DTNB: variants seen among roughly 807,000 people sequenced by gnomAD.
The protein encoded by DTNB is DTN-B.
DTNB carries 63 observed loss-of-function variants against 90.7 expected under a neutral mutation model. The ratio of observed to expected loss-of-function variants is 0.69; its 90% CI spans 0.57 to 0.86. The LOEUF (loss-of-function observed/expected upper bound fraction) is 0.86, where lower values mean the gene tolerates loss of function less well. Among genes scored for constraint, DTNB ranks in the 40% least tolerant of loss-of-function variants. DTNB has a pLI of 0.00. For missense variants in DTNB, 744 were observed against 807.1 expected (o/e 0.92, Z 0.95); for synonymous variants, 277 against 286.7 (o/e 0.97, Z 0.34).
chr2:25,462,368 C>T (rs2061094702), intron 10 of DTNB, among the ~76,000 whole-genome samples: 1 of 151,824 alleles, frequency 6.6e-6, no homozygotes. Flanking sequence ...GGACAAGCCC[C>T]TGACCTTGTC....
rs943975566 is a variant in DTNB, at chr2:25,424,097, G to A, written c.1554+3438C>T. ...GGTATGCATATAATACAAAAATTAA[G>A]ATTACGTGGTAATTCTTTTAGGAAG... On this transcript the variant is annotated intron_variant, in intron 15 of 20. Coordinates refer to ENST00000406818, the MANE Select transcript of DTNB (RefSeq NM_021907.5). This position sits in a 1 kb window ranked among gnomAD's most constrained non-coding sequence, Gnocchi z 4.1. 1.3e-5 allele frequency among the ~76,000 whole-genome samples: 2 copies of A among 152,190 alleles called. No individual in the cohort carries two copies. The highest frequency in any genetic ancestry group is 2.4e-5 in the African/African-American group (1 of 41,442).
chr2:25,440,439 T>C (rs2057103987), intron 12 of DTNB, among the ~76,000 whole-genome samples: 1 of 152,208 alleles, frequency 6.6e-6, no homozygotes. Context: ...AGAGAAATTT[T>C]GTACTCTTGC....
chr2:25,512,991 T>C (rs974220661), intron 9 of DTNB, among the ~76,000 whole-genome samples: 1 of 152,174 alleles, frequency 6.6e-6, no homozygotes, highest in African/African-American at 2.4e-5. Context: ...GATTTTTAAA[T>C]AGGGAAGTAA....
In DTNB at chr2:25,505,424, C is replaced by T. The variant is rs117628953; in HGVS notation, c.1002-22551G>A. ...CATCAAACTCCTTCTAACTTGATGACGTGTTAGAAGGAGTCTAGGGTATTT... is the reference window on the plus strand; with the variant it reads ...CATCAAACTCCTTCTAACTTGATGATGTGTTAGAAGGAGTCTAGGGTATTT... On this transcript the variant is annotated intron_variant, in intron 9 of 20. Transcript: ENST00000406818. Among the ~76,000 whole-genome samples the T allele has an allele frequency of 3.8e-3, 574 of 152,200 alleles. 15 individuals carry two copies. The East Asian group carries it at 0.077, about 20-fold the overall frequency.
chr2:25,562,157 T>C (rs1038846728), intron 8 of DTNB, among the ~76,000 whole-genome samples: 5 of 152,256 alleles, frequency 3.3e-5, no homozygotes, highest in Non-Finnish European at 7.3e-5. Flanking sequence ...TTGCCCATTC[T>C]GTACATATCA....
At chr2:25,599,992 G>C (rs2065512399) in intron 5 of DTNB, among the ~76,000 whole-genome samples, 1 of 152,148 alleles carries the variant, frequency 6.6e-6, no homozygotes, top group African/African-American at 2.4e-5. Flanking sequence ...CAGCTACTCA[G>C]GAGACTGAAG....
At chr2:25,553,349 G>C (rs888315913) in intron 8 of DTNB, among the ~76,000 whole-genome samples, 1 of 152,144 alleles carries the variant, frequency 6.6e-6, no homozygotes, top group Non-Finnish European at 1.5e-5. Context: ...TAACTGGTAA[G>C]CTATAATTTT....
At chr2:25,613,450 A>G (rs1165566280) in intron 4 of DTNB, among the ~76,000 whole-genome samples, 4 of 152,078 alleles carry the variant, frequency 2.6e-5, no homozygotes, top group Admixed American at 2.0e-4. Context: ...GTTTATGTCC[A>G]TGAGTACCCT....
In DTNB at chr2:25,491,666, ATTCTTTTCTAC is replaced by A. The variant is rs756782788; in HGVS notation, c.1002-8804_1002-8794del. On this transcript the variant is annotated intron_variant, in intron 9 of 20. Coordinates refer to ENST00000406818, the MANE Select transcript of DTNB (RefSeq NM_021907.5). ...TCCCCTTCACTGGGAACAGTGGTATATTCTTTTCTACTTAACTCTATTAATGTCTACTGCTT... is the reference window on the plus strand; with the variant it reads ...TCCCCTTCACTGGGAACAGTGGTATATTAACTCTATTAATGTCTACTGCTT... 1.1e-3 allele frequency among the ~76,000 whole-genome samples: 170 copies of A among 152,144 alleles called. No individual in the cohort carries two copies. In the Middle Eastern group the frequency reaches 0.014, roughly 12 times the overall value.
chr2:25,402,610 C>T (rs1313079065), intron 16 of DTNB, among the ~76,000 whole-genome samples: 1 of 152,158 alleles, frequency 6.6e-6, no homozygotes, highest in Non-Finnish European at 1.5e-5. Flanking sequence ...AAGGATGAGG[C>T]CACCAGAAAG....
chr2:25,602,062 C>T (rs552086368), intron 5 of DTNB, among the ~76,000 whole-genome samples: 15 of 151,912 alleles, frequency 9.9e-5, no homozygotes, highest in South Asian at 4.2e-4. Context: ...GTGGAAGCTG[C>T]GGTGAGCCGA....
intron 8 of DTNB, among the ~76,000 whole-genome samples, chr2:25,553,691 G>A (rs1003297487): frequency 4.2e-5 from 6 of 141,814 alleles, no homozygotes; most frequent in African/African-American, 1.6e-4. Flanking sequence ...AGTGAGCTGA[G>A]ATGGCGCCAC....
intron 1 of DTNB, among the ~76,000 whole-genome samples, chr2:25,662,344 G>T (rs6720442): frequency 6.6e-6 from 1 of 151,994 alleles, no homozygotes; most frequent in Non-Finnish European, 1.5e-5. Context: ...ATAGTCAATC[G>T]CACAACAGAA....
intron 9 of DTNB, among the ~76,000 whole-genome samples, chr2:25,526,447 G>A (rs1308484294): frequency 6.9e-6 from 1 of 144,274 alleles, no homozygotes; most frequent in South Asian, 2.2e-4. Flanking sequence ...CCAGGGTGGA[G>A]TGCAATGGCG....
At chr2:25,550,113 C>A (rs914326581) in intron 8 of DTNB, among the ~76,000 whole-genome samples, 2 of 151,500 alleles carry the variant, frequency 1.3e-5, no homozygotes, top group East Asian at 4.0e-4. Flanking sequence ...TATTGTTGGC[C>A]GGGCGCGGTG....
Position 25,424,771 on chromosome 2 carries a change from G to A in DTNB, c.1554+2764C>T, listed in dbSNP as rs1027196001. On this transcript the variant is annotated intron_variant, in intron 15 of 20. Coordinates refer to ENST00000406818, the MANE Select transcript of DTNB (RefSeq NM_021907.5). The surrounding 1 kb of genome is among the most constrained non-coding windows in gnomAD (Gnocchi z 4.1). ...CAGCCTCCACCTCCTGGGCTTAAGC[G>A]ATCCTCCCACCTCAGCCTCCTGAGT... 1.3e-5 allele frequency among the ~76,000 whole-genome samples: 2 copies of A among 151,628 alleles called. No homozygotes were observed. Among genetic ancestry groups the A allele is most frequent in the East Asian group, 1.9e-4 (1 of 5,172 alleles).
chr2:25,488,765 C>G (rs1487953361), intron 9 of DTNB, among the ~76,000 whole-genome samples: 6 of 152,206 alleles, frequency 3.9e-5, no homozygotes, highest in Admixed American at 3.3e-4. Flanking sequence ...CGATTCCCCC[C>G]TCACCCTCCC....
At chr2:25,576,430 G>A (rs1274819874) in intron 8 of DTNB, 1 of 152,434 alleles carries the variant, frequency 6.6e-6, no homozygotes, top group African/African-American at 2.4e-5. Flanking sequence ...GGGTTTCACT[G>A]TGTCAGCCAG....
chr2:25,476,554 A>G lies in DTNB; in HGVS notation c.1079+6242T>C, dbSNP rs2150344219. On this transcript the variant is annotated intron_variant, in intron 10 of 20. Coordinates refer to ENST00000406818, the MANE Select transcript of DTNB (RefSeq NM_021907.5). Reference sequence around the variant, plus strand: ...TGGGAGGAGGTTAAAACAAACATTAATGGGAGTTTGGAAGAAATTGATTCC... The same window carrying G: ...TGGGAGGAGGTTAAAACAAACATTAGTGGGAGTTTGGAAGAAATTGATTCC... Among the ~76,000 whole-genome samples the G allele has an allele frequency of 1.3e-5, 2 of 152,346 alleles. 1 individual carries two copies. The highest frequency in any genetic ancestry group is 4.1e-4 in the South Asian group (2 of 4,824).
Sources: allele counts gnomAD v4.1 joint callset (sites outside exome capture counted in the v4.1 genomes callset), GRCh38; gene constraint gnomAD v4.1.1; non-coding constraint Gnocchi (gnomAD v3.1); transcripts MANE v1.5; gene names NCBI Gene and HGNC (gene_info 2026-07-23, HGNC 2026-07-21).